CLPP: variants seen among roughly 807,000 people sequenced by gnomAD.
CLPP encodes ATP-dependent Clp protease proteolytic subunit, mitochondrial.
CLPP carries 14 observed loss-of-function variants against 27.4 expected under a neutral mutation model. That is an observed-to-expected ratio of 0.51 (90% confidence interval 0.34 to 0.80). The LOEUF (loss-of-function observed/expected upper bound fraction) is 0.80. CLPP is among the 30% of genes least tolerant of loss of function. The pLI is 0.02. For missense variants in CLPP, 361 were observed against 403.6 expected (o/e 0.89, Z 0.90); for synonymous variants, 193 against 166.6 (o/e 1.16, Z -1.22).
intron 4 of CLPP, among the ~76,000 whole-genome samples, chr19:6,365,945 C>T (rs2091859949): frequency 6.7e-6 from 1 of 148,648 alleles, no homozygotes; most frequent in African/African-American, 2.5e-5. Flanking sequence ...AGCAAGACCC[C>T]ATCTCTAAAA....
intron 3 of CLPP, among the ~76,000 whole-genome samples, chr19:6,364,119 C>T (rs1384574753): frequency 6.6e-6 from 1 of 151,074 alleles, no homozygotes; most frequent in Non-Finnish European, 1.5e-5. Flanking sequence ...CAACCTCCGC[C>T]TCCCGGGTTC....
rs749118749 is a variant in CLPP at position 6,362,500 on chromosome 19, G to C, written c.325G>C (p.Glu109Gln). The change falls in exon 3 of 6, where the codon GAG becomes CAG. Residue 109 changes from glutamate to glutamine, a missense_variant. This residue lies in a region of CLPP where 213 missense variants were observed against 280.9 expected (regional missense o/e 0.76). Coordinates refer to ENST00000245816, the MANE Select transcript of CLPP (RefSeq NM_006012.4). The part of the protein sequence containing the change: ...VIAQLLFLQS[E>Q]SNKKPIHMYI... Reference sequence around the variant, plus strand: ...CGCACAGCTCCTCTTCCTGCAATCCGAGAGCAACAAGAAGCCCATCCACAT... The same window carrying C: ...CGCACAGCTCCTCTTCCTGCAATCCCAGAGCAACAAGAAGCCCATCCACAT... The C allele has an allele frequency of 6.2e-7, 1 of 1,613,992 alleles. No individual in the cohort carries two copies. The highest frequency in any genetic ancestry group is 1.7e-5 in the Admixed American group (1 of 60,006).
chr19:6,363,308 G>T (rs1460033704), intron 3 of CLPP, among the ~76,000 whole-genome samples: 1 of 151,660 alleles, frequency 6.6e-6, no homozygotes, highest in African/African-American at 2.4e-5. Flanking sequence ...TTTGTATTTC[G>T]TAGAGATGAT....
Position 6,361,752 on chromosome 19 carries a change from C to T in CLPP, c.178C>T (p.Pro60Ser). 1.3e-6 allele frequency: 2 copies of T among 1,532,336 alleles called. No individual in the cohort carries two copies. Among genetic ancestry groups the T allele is most frequent in the Non-Finnish European group, 1.7e-6 (2 of 1,145,540 alleles). 94.9% of individuals were successfully genotyped at this position (1,532,336 alleles called of 1,614,324 possible). A position where few individuals can be genotyped will look rare whatever the true frequency, so the allele number is the denominator to read the frequency against. Residue 60 changes from proline to serine, a missense_variant, in exon 1 of 6, where the codon CCC becomes TCC. Physicochemically the swap from Pro to Ser is moderately conservative, Grantham distance 74. Coordinates refer to ENST00000245816, the MANE Select transcript of CLPP (RefSeq NM_006012.4). ...ATATRALPLI[P>S]IVVEQTGRGE... Reference sequence around the variant, plus strand: ...GGCGACCCGGGCTCTCCCGCTCATTCCCATCGTGGTGGAGCAGACGGTACG... The same window carrying T: ...GGCGACCCGGGCTCTCCCGCTCATTTCCATCGTGGTGGAGCAGACGGTACG...
intron 2 of CLPP, 93 bp from the exon 3 acceptor site, chr19:6,362,353 C>A: frequency 1.2e-6 from 1 of 840,592 alleles, no homozygotes; most frequent in Non-Finnish European, 2.0e-6. Context: ...GGGCTCTGGT[C>A]CCCCTTCCTG....
chr19:6,362,287 C>T (rs2091839357), intron 2 of CLPP, 159 bp from the exon 3 acceptor site: 5 of 627,364 alleles, frequency 8.0e-6, no homozygotes, highest in Non-Finnish European at 1.4e-5. Flanking sequence ...GTCCTCTCCA[C>T]TACTCTCTCC....
In CLPP at chr19:6,362,031, C is replaced by T. The variant is rs111496861; in HGVS notation, c.270+91C>T. The stretch of plus-strand genomic sequence containing the variant: ...CCTCCTTCCCTGGCCCCAGACTTTC[C>T]CTCAGGCTCCGCTCCCCTTCTAACC... On this transcript the variant is annotated intron_variant, in intron 2 of 5. Coordinates refer to ENST00000245816, the MANE Select transcript of CLPP (RefSeq NM_006012.4). 5.7e-4 allele frequency: 704 copies of T among 1,239,956 alleles called. 4 individuals are homozygous for T. In the African/African-American group the frequency reaches 9.3e-3, roughly 16 times the overall value. 76.8% of individuals were successfully genotyped at this position (1,239,956 alleles called of 1,614,324 possible). A position where few individuals can be genotyped will look rare whatever the true frequency, so the allele number is the denominator to read the frequency against.
chr19:6,362,055 C>T lies in CLPP; in HGVS notation c.270+115C>T, dbSNP rs978069880. On this transcript the variant is annotated intron_variant, in intron 2 of 5. Coordinates refer to ENST00000245816, the MANE Select transcript of CLPP (RefSeq NM_006012.4). ...CCCTCAGGCTCCGCTCCCCTTCTAACCCCCTTCCCTCCCCTTCTGACTCCC... is the reference window on the plus strand; with the variant it reads ...CCCTCAGGCTCCGCTCCCCTTCTAATCCCCTTCCCTCCCCTTCTGACTCCC... The T allele has an allele frequency of 1.8e-5, 18 of 975,738 alleles. No individual in the cohort carries two copies. In the African/African-American group the frequency reaches 2.3e-4, roughly 13 times the overall value. 60.4% of individuals were successfully genotyped at this position (975,738 alleles called of 1,614,324 possible).
In CLPP at chr19:6,368,801, G is replaced by A; in HGVS notation, c.*91G>A. The A allele has an allele frequency of 7.9e-7, 1 of 1,258,016 alleles. No individual in the cohort carries two copies. 77.9% of individuals were successfully genotyped at this position (1,258,016 alleles called of 1,614,324 possible). ...CTGCTCACCCCTTGTTGCTGGGCTT[G>A]GAGGGGCCTCTTGAGGAACTTTTAA... On this transcript the variant is annotated 3_prime_UTR_variant, in exon 6 of 6. Coordinates refer to ENST00000245816, the MANE Select transcript of CLPP (RefSeq NM_006012.4).
At position 6,369,181 on chromosome 19, in the gene CLPP, G is replaced by A. The variant is rs941826895; in HGVS notation, c.*471G>A. On this transcript the variant is annotated 3_prime_UTR_variant, in exon 6 of 6. Transcript: ENST00000245816. The stretch of plus-strand genomic sequence containing the variant: ...CTCACGCCTGTAATCCCAGCACTTT[G>A]GGAGCCCGAGGCAGGCGGATCATGA... 6.6e-6 allele frequency among the ~76,000 whole-genome samples: 1 copy of A among 152,164 alleles called. No individual in the cohort carries two copies. Among genetic ancestry groups the A allele is most frequent in the Non-Finnish European group, 1.5e-5 (1 of 68,032 alleles).
At chr19:6,364,012 C>A in intron 3 of CLPP, among the ~76,000 whole-genome samples, 1 of 150,602 alleles carries the variant, frequency 6.6e-6, no homozygotes, top group East Asian at 1.9e-4. Context: ...ATAGTGAAAG[C>A]AGTGAAACCC....
At chr19:6,367,451 AAT>A (rs1447855629) in intron 5 of CLPP, among the ~76,000 whole-genome samples, 1 of 152,116 alleles carries the variant, frequency 6.6e-6, no homozygotes, top group Non-Finnish European at 1.5e-5. Flanking sequence ...ATGAAAGAAG[AAT>A]AAACACTCTG....
intron 2 of CLPP, 199 bp from the exon 3 acceptor site, chr19:6,362,247 T>G: frequency 1.9e-6 from 1 of 513,952 alleles, no homozygotes; most frequent in Non-Finnish European, 3.4e-6. Flanking sequence ...GCCCCCTGAC[T>G]CCCCCCTTCC....
rs1219413860 is a variant in CLPP at position 6,361,653 on chromosome 19, C to T, written c.79C>T (p.His27Tyr). The T allele has an allele frequency of 2.1e-6, 3 of 1,422,130 alleles. No homozygotes were observed. Among genetic ancestry groups the T allele is most frequent in the Non-Finnish European group, 2.8e-6 (3 of 1,088,500 alleles). The allele number at this position is 1,422,130 out of a possible 1,614,324, so 88.1% of individuals were successfully genotyped here. A position where few individuals can be genotyped will look rare whatever the true frequency, so the allele number is the denominator to read the frequency against. Residue 27 changes from histidine (H) to tyrosine (Y), a missense_variant, in exon 1 of 6, where the codon CAC becomes TAC. This residue lies in a region of CLPP where 148 missense variants were observed against 122.6 expected (regional missense o/e 1.21). Coordinates refer to ENST00000245816, the MANE Select transcript of CLPP (RefSeq NM_006012.4). The stretch of plus-strand genomic sequence containing the variant: ...CGCGCTGGGGCCTCGCCTCGCCGCT[C>T]ACTTTCCAGCGCAGCGGCCGCCGCA... ...YPALGPRLAA[H>Y]FPAQRPPQRT...
intron 3 of CLPP, 93 bp downstream of exon 3, chr19:6,362,635 C>T (rs1487084657): frequency 1.2e-5 from 11 of 900,350 alleles, no homozygotes; most frequent in Non-Finnish European, 2.0e-5. Flanking sequence ...TGTTCTCTCT[C>T]TGGGAAAGGG....
intron 4 of CLPP, 90 bp downstream of exon 4, chr19:6,364,729 ATGTT>A: frequency 3.7e-5 from 35 of 946,032 alleles, no homozygotes; most frequent in Non-Finnish European, 4.8e-5. Flanking sequence ...GTGGGAGGGG[ATGTT>A]TTTTTTTTTT....
chr19:6,364,754 A>T (rs974567718), intron 4 of CLPP, 115 bp downstream of exon 4: 2 of 1,003,884 alleles, frequency 2.0e-6, no homozygotes, highest in Admixed American at 5.8e-5. Context: ...TTTGAGATGG[A>T]GTCTCACTTT....
In CLPP at chr19:6,369,045, T is replaced by TC. The variant is rs1244408834; in HGVS notation, c.*337dup. 1.2e-5 allele frequency: 3 copies of TC among 243,400 alleles called. No homozygotes were observed. The Admixed American group carries it at 1.5e-4, about 12-fold the overall frequency. 15.1% of individuals were successfully genotyped at this position (243,400 alleles called of 1,614,324 possible). ...AGATTCTCCTGATCATATCCTATAT[T>TC]CCAGGCAGTGTTCTTTTGTGAAGAA... On this transcript the variant is annotated 3_prime_UTR_variant, in exon 6 of 6. Coordinates refer to ENST00000245816, the MANE Select transcript of CLPP (RefSeq NM_006012.4).
chr19:6,366,407 AC>A, intron 5 of CLPP, 44 bp downstream of exon 5: 2 of 1,463,352 alleles, frequency 1.4e-6, no homozygotes, highest in Non-Finnish European at 1.9e-6. Flanking sequence ...GCACAGACGG[AC>A]CAGGCGTTGC....
Sources: allele counts gnomAD v4.1 joint callset (sites outside exome capture counted in the v4.1 genomes callset), GRCh38; gene constraint gnomAD v4.1.1; regional missense constraint gnomAD v4.1.1; transcripts MANE v1.5; gene names NCBI Gene and HGNC (gene_info 2026-07-23, HGNC 2026-07-21).